CCDC50: variants seen among roughly 807,000 people sequenced by gnomAD.
CCDC50 encodes the protein coiled-coil domain-containing protein 50.
In CCDC50, 54 loss-of-function variants were observed where a neutral mutation model predicts 70.2. That is an observed-to-expected ratio of 0.77 (90% confidence interval 0.62 to 0.96). The LOEUF is 0.96. Among genes scored for constraint, CCDC50 ranks in the 50% least tolerant of loss-of-function variants. The pLI, the probability that CCDC50 is intolerant of heterozygous loss-of-function variation, is 0.00. For missense variants in CCDC50, 558 were observed against 578.7 expected, an observed-to-expected ratio of 0.96 and a Z score of 0.37; for synonymous variants, 216 against 198.8, an observed-to-expected ratio of 1.09 and a Z score of -0.73.
chr3:191,391,426 C>T (rs963145718), intron 11 of CCDC50, among the ~76,000 whole-genome samples: 3 of 152,142 alleles, frequency 2.0e-5, no homozygotes, highest in African/African-American at 7.2e-5. Flanking sequence ...TTATAAACAT[C>T]TTCATCAACA....
At position 191,358,056 on chromosome 3, in the gene CCDC50, G is replaced by T; in HGVS notation, c.171G>T (p.Gln57His). The T allele has an allele frequency of 6.2e-7, 1 of 1,614,068 alleles. No homozygotes were observed. Among genetic ancestry groups the T allele is most frequent in the Non-Finnish European group, 8.5e-7 (1 of 1,179,942 alleles). ...ACCGTTTGGTCCAGCATGATCTCCA[G>T]GTGGCTAAGCAGCTCCAAGAGGAAG... Reference protein sequence around the residue: ...QRNRLVQHDLQVAKQLQEEDL... With the variant: ...QRNRLVQHDLHVAKQLQEEDL... The change falls in exon 3 of 12, where the codon CAG becomes CAT. Residue 57 changes from glutamine to histidine, a missense_variant. Gln to His is a conservative substitution (Grantham distance 24). Transcript: ENST00000392455.
chr3:191,364,005 GTAGTGC>G (rs1712586130), intron 4 of CCDC50, among the ~76,000 whole-genome samples: 1 of 152,074 alleles, frequency 6.6e-6, no homozygotes, highest in Non-Finnish European at 1.5e-5. Context: ...TACTGAGACA[GTAGTGC>G]TAACTCTTCC....
chr3:191,366,665 A>G (rs889384263), intron 4 of CCDC50, among the ~76,000 whole-genome samples: 2 of 149,926 alleles, frequency 1.3e-5, no homozygotes, highest in African/African-American at 2.4e-5. Flanking sequence ...GGTTACTGGA[A>G]GATAACAGGT....
In CCDC50 at chr3:191,396,199, C is replaced by A. The variant is rs1313694820; in HGVS notation, c.*4439C>A. On this transcript the variant is annotated 3_prime_UTR_variant, in exon 12 of 12. Transcript: ENST00000392455. ...ATGAGACCTGCACTTTATGCCAGCA[C>A]TGTTTGTGAGGAGCAGTACTGCCTT... The A allele has an allele frequency of 1.3e-5, 2 of 152,152 alleles. No individual in the cohort carries two copies. The highest frequency in any genetic ancestry group is 3.9e-4 in the East Asian group (2 of 5,192). The allele number at this position is 152,152 out of a possible 1,614,324, so 9.4% of individuals were successfully genotyped here.
intron 1 of CCDC50, among the ~76,000 whole-genome samples, chr3:191,354,658 G>A (rs1712215615): frequency 6.6e-6 from 1 of 152,046 alleles, no homozygotes; most frequent in African/African-American, 2.4e-5. Flanking sequence ...ATCTCTGTAT[G>A]TATATATTTC....
intron 5 of CCDC50, among the ~76,000 whole-genome samples, chr3:191,372,542 G>A (rs1712947228): frequency 6.6e-6 from 1 of 152,008 alleles, no homozygotes; most frequent in African/African-American, 2.4e-5. Flanking sequence ...GTACTTCTCT[G>A]TATGCCTTTG....
chr3:191,384,585 G>A (rs998870052), intron 10 of CCDC50, among the ~76,000 whole-genome samples: 3 of 152,076 alleles, frequency 2.0e-5, no homozygotes, highest in African/African-American at 7.2e-5. Flanking sequence ...TAATACTTAT[G>A]GTTAGAAATC....
chr3:191,340,754 T>C (rs948833196), intron 1 of CCDC50, among the ~76,000 whole-genome samples: 1 of 152,188 alleles, frequency 6.6e-6, no homozygotes, highest in Non-Finnish European at 1.5e-5. Context: ...CAGGCGGACA[T>C]ATGAGGTTAG....
At chr3:191,365,020 A>G (rs1712632141) in intron 4 of CCDC50, among the ~76,000 whole-genome samples, 1 of 152,204 alleles carries the variant, frequency 6.6e-6, no homozygotes, top group East Asian at 1.9e-4. Context: ...AAGGTTAATC[A>G]GTTAATTTAA....
intron 1 of CCDC50, among the ~76,000 whole-genome samples, chr3:191,331,205 A>C (rs1022211625): frequency 2.0e-5 from 3 of 152,164 alleles, no homozygotes; most frequent in Admixed American, 2.0e-4. Flanking sequence ...GTGCATGGTG[A>C]GTAGAATGAG....
chr3:191,367,154 A>G (rs565021083), intron 4 of CCDC50, among the ~76,000 whole-genome samples: 1 of 152,186 alleles, frequency 6.6e-6, no homozygotes, highest in South Asian at 2.1e-4. Flanking sequence ...TTTGGGTGCT[A>G]AGGTGCATGA....
chr3:191,329,750 G>T, intron 1 of CCDC50, 27 bp downstream of exon 1: 1 of 1,601,164 alleles, frequency 6.2e-7, no homozygotes, highest in East Asian at 2.3e-5. Context: ...GAGAGCGCGC[G>T]GGACCCTCCC....
rs1713934118 is a variant in CCDC50 at position 191,398,518 on chromosome 3, T to C, written c.*6758T>C. 6.6e-6 allele frequency: 1 copy of C among 152,208 alleles called. No individual in the cohort carries two copies. The highest frequency in any genetic ancestry group is 1.5e-5 in the Non-Finnish European group (1 of 68,044). 9.4% of individuals were successfully genotyped at this position (152,208 alleles called of 1,614,324 possible). A position where few individuals can be genotyped will look rare whatever the true frequency, so the allele number is the denominator to read the frequency against. The stretch of plus-strand genomic sequence containing the variant: ...ACGAGAGTCTTATTATAATTATTAT[T>C]ATTTACAAAATGACCCTAATAGGTC... On this transcript the variant is annotated 3_prime_UTR_variant, in exon 12 of 12. Coordinates refer to ENST00000392455, the MANE Select transcript of CCDC50 (RefSeq NM_178335.3).
At chr3:191,332,983 C>T (rs1335703511) in intron 1 of CCDC50, among the ~76,000 whole-genome samples, 1 of 152,190 alleles carries the variant, frequency 6.6e-6, no homozygotes, top group Non-Finnish European at 1.5e-5. Flanking sequence ...TCAACCTCTC[C>T]TATTTTCTCC....
At chr3:191,357,856 T>C in intron 2 of CCDC50, 142 bp from the exon 3 acceptor site, 1 of 1,026,134 alleles carries the variant, frequency 9.7e-7, no homozygotes, top group Non-Finnish European at 1.5e-6. Context: ...CCTTGCTCTT[T>C]ATTATATATT....
At chr3:191,361,710 G>A (rs188357819) in intron 4 of CCDC50, among the ~76,000 whole-genome samples, 256 of 152,298 alleles carry the variant, frequency 1.7e-3, no homozygotes, top group Non-Finnish European at 1.7e-3. Flanking sequence ...TATGACCTCA[G>A]CTTAACTAAT....
At chr3:191,368,149 A>G (rs114325513) in intron 4 of CCDC50, among the ~76,000 whole-genome samples, 2,583 of 152,152 alleles carry the variant, frequency 0.017, 73 homozygotes, top group African/African-American at 0.059. Flanking sequence ...TTCTCTCCCA[A>G]TGTCTCTTTA....
At chr3:191,387,970 AG>A (rs1364751391) in intron 10 of CCDC50, among the ~76,000 whole-genome samples, 1 of 133,478 alleles carries the variant, frequency 7.5e-6, no homozygotes, top group Non-Finnish European at 1.7e-5. Context: ...TCCTAGAGTC[AG>A]ACTGATTTGT....
chr3:191,395,298 A>T lies in CCDC50; in HGVS notation c.*3538A>T, dbSNP rs1040339301. ...AAAGTTAGAACTTTTCAGTATAAAA[A>T]TAATTAGCTTTTAACTGATTATTAA... On this transcript the variant is annotated 3_prime_UTR_variant, in exon 12 of 12. Coordinates refer to ENST00000392455, the MANE Select transcript of CCDC50 (RefSeq NM_178335.3). 6.6e-6 allele frequency: 1 copy of T among 152,200 alleles called. No individual in the cohort carries two copies. 9.4% of individuals were successfully genotyped at this position (152,200 alleles called of 1,614,324 possible).
Sources: gnomAD v4.1 joint callset for allele counts (sites outside exome capture counted in the v4.1 genomes callset) on GRCh38, gnomAD v4.1.1 for gene constraint, MANE v1.5 for transcripts, NCBI Gene and HGNC (gene_info 2026-07-23, HGNC 2026-07-21) for gene names.